AP3B2: variants seen among roughly 807,000 people sequenced by gnomAD.
AP3B2 encodes adaptor related protein complex 3 subunit beta 2.
AP3B2 carries 50 observed loss-of-function variants against 126.9 expected under a neutral mutation model. The observed-to-expected ratio is 0.39, with a 90% CI of 0.31 to 0.50. The LOEUF (loss-of-function observed/expected upper bound fraction) is 0.50, where lower values mean the gene tolerates loss of function less well. Ranked by LOEUF, AP3B2 falls within the 20% of genes least tolerant of loss-of-function variation. AP3B2 has a pLI of 0.79. For missense variants in AP3B2, 1,177 were observed against 1,426.4 expected (o/e 0.83, Z 2.82); for synonymous variants, 541 against 565.0 (o/e 0.96, Z 0.60).
intron 4 of AP3B2, among the ~76,000 whole-genome samples, chr15:82,683,345 C>A (rs571601081): frequency 6.6e-6 from 1 of 152,204 alleles, no homozygotes; most frequent in Non-Finnish European, 1.5e-5. Context: ...GCGTGAGCCA[C>A]TGCACCCGGC....
intron 14 of AP3B2, among the ~76,000 whole-genome samples, chr15:82,670,825 G>A (rs918885531): frequency 3.3e-5 from 5 of 151,960 alleles, no homozygotes; most frequent in Admixed American, 6.6e-5. Flanking sequence ...ACCAGAATAC[G>A]TAAGGAGATC....
intron 14 of AP3B2, 112 bp from the exon 15 acceptor site, chr15:82,667,045 T>G: frequency 8.9e-7 from 1 of 1,120,948 alleles, no homozygotes; most frequent in Non-Finnish European, 1.3e-6. Context: ...TCTCCCTGCT[T>G]AGGACCGGCG....
intron 14 of AP3B2, among the ~76,000 whole-genome samples, chr15:82,674,530 G>A (rs2048212269): frequency 6.6e-6 from 1 of 152,216 alleles, no homozygotes; most frequent in Admixed American, 6.5e-5. Context: ...ACAGCTCGCT[G>A]TGCCAACCCT....
rs531000421 is a variant in AP3B2 at position 82,681,841 on chromosome 15, A to G, written c.361-261T>C. Among the ~76,000 whole-genome samples, 1 of 152,216 alleles carries G rather than the reference A, an allele frequency of 6.6e-6. No homozygotes were observed. The highest frequency in any genetic ancestry group is 2.4e-5 in the African/African-American group (1 of 41,522). On this transcript the variant is annotated intron_variant, in intron 4 of 26. Coordinates refer to ENST00000535359, the MANE Select transcript of AP3B2 (RefSeq NM_001278512.2). This position sits in a 1 kb window ranked among gnomAD's most constrained non-coding sequence, Gnocchi z 4.0. ...ACACTGAAAAACTTTCAGAACACCTAAAATTGCTGAAACACCTGAAACACT... is the reference window on the plus strand; with the variant it reads ...ACACTGAAAAACTTTCAGAACACCTGAAATTGCTGAAACACCTGAAACACT...
chr15:82,672,598 A>G (rs2048175860), intron 14 of AP3B2, among the ~76,000 whole-genome samples: 2 of 152,224 alleles, frequency 1.3e-5, no homozygotes. Flanking sequence ...TTTATAAATA[A>G]CTAAGAGAGT....
intron 1 of AP3B2, among the ~76,000 whole-genome samples, chr15:82,695,674 T>C (rs1184958434): frequency 6.6e-6 from 1 of 152,128 alleles, no homozygotes; most frequent in Non-Finnish European, 1.5e-5. Context: ...TTATAATAAA[T>C]GGGTAAATAT....
In AP3B2 at chr15:82,666,863, G is replaced by T. The variant is rs1410475869; in HGVS notation, c.1736C>A (p.Ala579Glu). The T allele has an allele frequency of 6.2e-7, 1 of 1,613,986 alleles. No homozygotes were observed. Among genetic ancestry groups the T allele is most frequent in the Non-Finnish European group, 8.5e-7 (1 of 1,179,880 alleles). ...GACGATGAGCTGCCGGGTGAAGCGCGCCCGGTCGCGAATATCATAGTTCTG... is the reference window on the plus strand; with the variant it reads ...GACGATGAGCTGCCGGGTGAAGCGCTCCCGGTCGCGAATATCATAGTTCTG... ...YDQNYDIRDRARFTRQLIVPS... is the reference protein window; with the variant it reads ...YDQNYDIRDRERFTRQLIVPS... The change falls in exon 15 of 27, where the codon GCG becomes GAG. Residue 579 changes from alanine (A) to glutamate (E), a missense_variant. This residue lies in a region of AP3B2 where 308 missense variants were observed against 452.4 expected (regional missense o/e 0.68). Coordinates refer to ENST00000535359, the MANE Select transcript of AP3B2 (RefSeq NM_001278512.2).
chr15:82,680,604 T>C lies in AP3B2; in HGVS notation c.923A>G (p.Asn308Ser). ...GCGGCTCTGCAGCAGGGGTTTGGTG[T>C]TGCGCAGCAGCAGCCGGTGGTCGGG... is the stretch of plus-strand genomic sequence containing the variant. Reference protein sequence around the residue: ...MDPDHRLLLRNTKPLLQSRSA... With the variant: ...MDPDHRLLLRSTKPLLQSRSA... Residue 308 changes from asparagine (N) to serine (S), a missense_variant, in exon 8 of 27, where the codon AAC (asparagine) becomes AGC (serine). Physicochemically the swap from Asn to Ser is conservative, Grantham distance 46. This residue lies in a region of AP3B2 where 308 missense variants were observed against 452.4 expected (regional missense o/e 0.68). Coordinates refer to ENST00000535359, the MANE Select transcript of AP3B2 (RefSeq NM_001278512.2). This position sits in a 1 kb window ranked among gnomAD's most constrained non-coding sequence, Gnocchi z 6.1. 6.3e-7 allele frequency: 1 copy of C among 1,595,538 alleles called. No homozygotes were observed. The highest frequency in any genetic ancestry group is 8.5e-7 in the Non-Finnish European group (1 of 1,177,144).
chr15:82,663,323 C>G (rs755601851), intron 21 of AP3B2, 90 bp from the exon 22 acceptor site: 1 of 1,116,998 alleles, frequency 9.0e-7, no homozygotes, highest in East Asian at 2.5e-5. Context: ...CGCATTTCAG[C>G]ACCATGGACA....
At chr15:82,678,602 C>A (rs573015998) in intron 10 of AP3B2, among the ~76,000 whole-genome samples, 9 of 152,330 alleles carry the variant, frequency 5.9e-5, no homozygotes, top group African/African-American at 1.9e-4. Context: ...CTGCGTGGAG[C>A]AGTTCTTCCC....
intron 4 of AP3B2, chr15:82,686,462 T>C (rs1003513731): frequency 6.6e-6 from 1 of 152,258 alleles, no homozygotes; most frequent in Non-Finnish European, 1.5e-5. Context: ...AAACATTTTA[T>C]ATTGCTTAAC....
At chr15:82,690,957 G>GGCATGAGCCACGCTGGGATTACAC (rs2048521030) in intron 1 of AP3B2, among the ~76,000 whole-genome samples, 1 of 152,170 alleles carries the variant, frequency 6.6e-6, no homozygotes, top group Non-Finnish European at 1.5e-5. Flanking sequence ...TGGGATTACA[G>GGCATGAGCCACGCTGGGATTACAC]GCATGAGCCA....
At chr15:82,666,397 T>C (rs1022751623) in intron 15 of AP3B2, among the ~76,000 whole-genome samples, 2 of 152,226 alleles carry the variant, frequency 1.3e-5, no homozygotes, top group African/African-American at 4.8e-5. Context: ...TGTGTGTTGT[T>C]TTGCTTTCTG....
chr15:82,688,373 T>C, intron 4 of AP3B2: 1 of 699,982 alleles, frequency 1.4e-6, no homozygotes, highest in South Asian at 1.5e-5. Flanking sequence ...TCTACCTGGC[T>C]GTGGACCACA....
At position 82,663,894 on chromosome 15, in the gene AP3B2, C is replaced by G. The variant is rs757941110; in HGVS notation, c.2343G>C (p.Glu781Asp). Residue 781 changes from glutamate to aspartate, a missense_variant, in exon 20 of 27, where the codon GAG becomes GAC. Glu to Asp is a conservative substitution (Grantham distance 45). Transcript: ENST00000535359. ...ATGAGCTACTGCTGGAATCGCTGCC[C>G]TCATCAGAGGATGACGCTTCTCCTT... ...ERKGEASSSD[E>D]GSDSSSSSSE... 1 of 1,613,616 alleles carries G rather than the reference C, an allele frequency of 6.2e-7. No individual in the cohort carries two copies. Among genetic ancestry groups the G allele is most frequent in the South Asian group, 1.1e-5 (1 of 91,080 alleles).
Position 82,678,169 on chromosome 15 carries a change from T to TG in AP3B2, c.1183-3dup. 1 of 1,613,854 alleles carries TG rather than the reference T, an allele frequency of 6.2e-7. No individual in the cohort carries two copies. Among genetic ancestry groups the TG allele is most frequent in the Non-Finnish European group, 8.5e-7 (1 of 1,179,854 alleles). ...GGCCAGGTTGGTCAGCACTTCCAGC[T>TG]GCAGGGAGGGTTGGAGAGGCAGAAA... On this transcript the variant is annotated splice_polypyrimidine_tract_variant and splice_region_variant and intron_variant, in intron 10 of 26. Coordinates refer to ENST00000535359, the MANE Select transcript of AP3B2 (RefSeq NM_001278512.2).
chr15:82,705,410 G>A (rs1255095827), intron 1 of AP3B2, among the ~76,000 whole-genome samples: 1 of 151,994 alleles, frequency 6.6e-6, no homozygotes, highest in African/African-American at 2.4e-5. Context: ...AAATTGTTTT[G>A]CCTATCCACC....
At chr15:82,670,715 A>G (rs1000971001) in intron 14 of AP3B2, among the ~76,000 whole-genome samples, 1 of 152,200 alleles carries the variant, frequency 6.6e-6, no homozygotes, top group African/African-American at 2.4e-5. Flanking sequence ...GGATCACATC[A>G]AGTTACAAAG....
At chr15:82,671,189 A>C (rs2048151456) in intron 14 of AP3B2, among the ~76,000 whole-genome samples, 1 of 152,218 alleles carries the variant, frequency 6.6e-6, no homozygotes, top group Non-Finnish European at 1.5e-5. Context: ...AGGCTGAGGC[A>C]GGAGAATCAC....
Sources: gnomAD v4.1 joint callset for allele counts (sites outside exome capture counted in the v4.1 genomes callset) on GRCh38, gnomAD v4.1.1 for gene constraint, gnomAD v4.1.1 regional missense constraint, Gnocchi (gnomAD v3.1) non-coding constraint, MANE v1.5 for transcripts, NCBI Gene and HGNC (gene_info 2026-07-23, HGNC 2026-07-21) for gene names.